KLHL29: variants seen among roughly 807,000 people sequenced by gnomAD.
The protein encoded by KLHL29 is kelch-like protein 29.
In KLHL29, 21 loss-of-function variants were observed where a neutral mutation model predicts 80.4. The observed-to-expected ratio is 0.26, with a 90% CI of 0.19 to 0.38. The LOEUF (loss-of-function observed/expected upper bound fraction) is 0.38, where lower values mean the gene tolerates loss of function less well. Among genes scored for constraint, KLHL29 ranks in the 10% least tolerant of loss-of-function variants. The pLI, the probability that KLHL29 is intolerant of heterozygous loss-of-function variation, is 1.00. For missense variants in KLHL29, 867 were observed against 1,223.9 expected (o/e 0.71, Z 4.35); for synonymous variants, 511 against 526.8 (o/e 0.97, Z 0.41).
chr2:23,574,857 G>A (rs1253845415), intron 3 of KLHL29, among the ~76,000 whole-genome samples: 1 of 152,118 alleles, frequency 6.6e-6, no homozygotes, highest in Admixed American at 6.5e-5. Flanking sequence ...TGGGGGTGTC[G>A]GTCACAGGGA....
intron 1 of KLHL29, among the ~76,000 whole-genome samples, chr2:23,474,462 T>C (rs1418189868): frequency 6.6e-6 from 1 of 152,216 alleles, no homozygotes; most frequent in Non-Finnish European, 1.5e-5. Context: ...TACTCGCCAC[T>C]TTGGTTCTGT....
chr2:23,576,322 A>C (rs1667841893), intron 3 of KLHL29, among the ~76,000 whole-genome samples: 1 of 147,560 alleles, frequency 6.8e-6, no homozygotes, highest in Non-Finnish European at 1.5e-5. Context: ...AAAAAAAAAA[A>C]AACGAAATAT....
intron 3 of KLHL29, among the ~76,000 whole-genome samples, chr2:23,592,503 T>A (rs1325771524): frequency 6.6e-6 from 1 of 152,164 alleles, no homozygotes; most frequent in Non-Finnish European, 1.5e-5. Flanking sequence ...AGGCTCAGGG[T>A]CCACATGGCC....
rs1553319817 is a variant in KLHL29 at position 23,411,378 on chromosome 2, A to AC, written c.-154+25598_-154+25599insC. Among the ~76,000 whole-genome samples, 3 of 67,116 alleles carry AC rather than the reference A, an allele frequency of 4.5e-5. No individual in the cohort carries two copies. In the South Asian group the frequency reaches 2.0e-3, roughly 45 times the overall value. The allele number at this position is 67,116 out of a possible 152,430, so 44.0% of individuals were successfully genotyped here. On this transcript the variant is annotated intron_variant, in intron 1 of 13. Transcript: ENST00000486442. ...TATATTGGGTATGTATGTTGCAAAA[A>AC]TTGTGTGTGTGTGTGTGTGTGTGTG...
In KLHL29 at chr2:23,703,736, G is replaced by A. The variant is rs1415281436; in HGVS notation, c.2317G>A (p.Ala773Thr). 2 of 1,536,836 alleles carry A rather than the reference G, an allele frequency of 1.3e-6. No individual in the cohort carries two copies. Among genetic ancestry groups the A allele is most frequent in the Admixed American group, 2.0e-5 (1 of 50,944 alleles). ...CCTCACAGACAACAAGTATGCCCCC[G>A]CTGTCACGCTCAATGGCTTCGTTTT... ...SPMIDNKYAP[A>T]VTLNGFVFIL... The change falls in exon 13 of 14, where the codon GCT becomes ACT. Residue 773 changes from alanine to threonine, a missense_variant. Ala to Thr is a moderately conservative substitution (Grantham distance 58, BLOSUM62 0). Around this residue, in one of 2 missense-constraint regions of KLHL29, gnomAD observed 443 missense variants for 767.0 expected, o/e 0.58. Transcript: ENST00000486442.
intron 1 of KLHL29, among the ~76,000 whole-genome samples, chr2:23,461,919 A>T (rs2103428738): frequency 6.7e-6 from 1 of 149,942 alleles, no homozygotes; most frequent in East Asian, 2.0e-4. Flanking sequence ...CCCTAGGGAG[A>T]GGGAAACTGA....
At chr2:23,544,153 G>A (rs1572390811) in intron 2 of KLHL29, among the ~76,000 whole-genome samples, 1 of 152,210 alleles carries the variant, frequency 6.6e-6, no homozygotes. Context: ...GGAAGAACAG[G>A]CCTGAGTCCA....
intron 13 of KLHL29, among the ~76,000 whole-genome samples, 194 bp from the exon 14 acceptor site, chr2:23,706,287 T>C (rs1035241837): frequency 7.9e-5 from 12 of 152,166 alleles, no homozygotes; most frequent in African/African-American, 2.9e-4. Flanking sequence ...ATAGCACGGC[T>C]TCCTGACTGG....
At chr2:23,537,417 TACACACACACACACACACACACACAC>T (rs5741924) in intron 2 of KLHL29, among the ~76,000 whole-genome samples, 2,473 of 149,154 alleles carry the variant, frequency 0.017, 81 homozygotes, top group African/African-American at 0.055. Context: ...GGGCAGAAAC[TACACACACACACACACACACACACAC>T]ACACACACAC....
chr2:23,557,798 G>T (rs944246482), intron 2 of KLHL29, among the ~76,000 whole-genome samples: 1 of 152,122 alleles, frequency 6.6e-6, no homozygotes, highest in South Asian at 2.1e-4. Context: ...CTTCTTTGGC[G>T]ATATGTGAGG....
intron 3 of KLHL29, among the ~76,000 whole-genome samples, chr2:23,590,029 T>C (rs921914179): frequency 6.6e-6 from 1 of 152,194 alleles, no homozygotes; most frequent in African/African-American, 2.4e-5. Flanking sequence ...GACCAGGAAA[T>C]GGAGCAGCCA....
intron 3 of KLHL29, among the ~76,000 whole-genome samples, chr2:23,635,282 T>A (rs1669578728): frequency 6.6e-6 from 1 of 152,210 alleles, no homozygotes; most frequent in African/African-American, 2.4e-5. Context: ...CAGGTGAGTG[T>A]CAGCCCCTTG....
chr2:23,577,113 C>T (rs1432743416), intron 3 of KLHL29, among the ~76,000 whole-genome samples: 1 of 152,200 alleles, frequency 6.6e-6, no homozygotes, highest in Non-Finnish European at 1.5e-5. Context: ...CACTGCAGTG[C>T]GTCTTCTTTA....
chr2:23,575,946 G>A (rs1473095031), intron 3 of KLHL29, among the ~76,000 whole-genome samples: 1 of 152,190 alleles, frequency 6.6e-6, no homozygotes, highest in Non-Finnish European at 1.5e-5. Flanking sequence ...TCTAGCACCC[G>A]CAAGAGCTGG....
intron 1 of KLHL29, among the ~76,000 whole-genome samples, chr2:23,445,907 A>G (rs11899857): frequency 0.1 from 15,799 of 152,222 alleles, 1,619 homozygotes; most frequent in East Asian, 0.29. Flanking sequence ...TAAACTGTGT[A>G]CATCTTTTGT....
At chr2:23,580,896 T>G (rs930788303) in intron 3 of KLHL29, among the ~76,000 whole-genome samples, 3 of 150,056 alleles carry the variant, frequency 2.0e-5, no homozygotes, top group African/African-American at 7.4e-5. Flanking sequence ...CAGGATTGCT[T>G]GAACCCAGGA....
chr2:23,561,276 G>C (rs1474029535), intron 2 of KLHL29, among the ~76,000 whole-genome samples: 8 of 152,172 alleles, frequency 5.3e-5, no homozygotes, highest in Non-Finnish European at 5.9e-5. Context: ...AGGGAACCAG[G>C]CAAGTCATGG....
chr2:23,567,602 G>C (rs988589977), intron 3 of KLHL29, among the ~76,000 whole-genome samples: 3 of 152,222 alleles, frequency 2.0e-5, no homozygotes, highest in Non-Finnish European at 4.4e-5. Context: ...TGCTCCCCTT[G>C]GGGGAGATGA....
chr2:23,526,364 G>A (rs1018975912), intron 2 of KLHL29, among the ~76,000 whole-genome samples: 6 of 152,220 alleles, frequency 3.9e-5, no homozygotes, highest in African/African-American at 4.8e-5. Flanking sequence ...CAAATGCTGC[G>A]CTCTTGGCCT....
Sources: gnomAD v4.1 joint callset for allele counts (sites outside exome capture counted in the v4.1 genomes callset) on GRCh38, gnomAD v4.1.1 for gene constraint, gnomAD v4.1.1 regional missense constraint, MANE v1.5 for transcripts, NCBI Gene and HGNC (gene_info 2026-07-23, HGNC 2026-07-21) for gene names.